The following SEMA3A variants were observed in gnomAD, a reference collection of about 807,000 sequenced individuals.
The protein encoded by SEMA3A is semaphorin-3A.
SEMA3A carries 29 observed loss-of-function variants against 97.9 expected under a neutral mutation model. That is an observed-to-expected ratio of 0.30 (90% confidence interval 0.22 to 0.40). The LOEUF (loss-of-function observed/expected upper bound fraction) is 0.40. Among genes scored for constraint, SEMA3A ranks in the 10% least tolerant of loss-of-function variants. SEMA3A has a pLI of 1.00. For synonymous variants in SEMA3A, 321 were observed against 323.7 expected, an observed-to-expected ratio of 0.99 and a Z score of 0.09; for missense variants, 763 against 951.3, an observed-to-expected ratio of 0.80 and a Z score of 2.60.
At chr7:84,476,372 A>G (rs1584351875) in intron 1 of SEMA3A, among the ~76,000 whole-genome samples, 1 of 151,744 alleles carries the variant, frequency 6.6e-6, no homozygotes, top group East Asian at 1.9e-4. Flanking sequence ...AAAAAAAAAA[A>G]GAAAAGAAAA....
intron 3 of SEMA3A, among the ~76,000 whole-genome samples, chr7:84,258,122 G>T (rs910252193): frequency 6.6e-6 from 1 of 152,090 alleles, no homozygotes; most frequent in East Asian, 1.9e-4. Context: ...CTCACACAGG[G>T]TCAGCACATT....
chr7:84,108,054 C>G (rs1485579085), intron 4 of SEMA3A, among the ~76,000 whole-genome samples: 2 of 152,080 alleles, frequency 1.3e-5, no homozygotes, highest in Non-Finnish European at 2.9e-5. Flanking sequence ...TATAAAAATA[C>G]AAAATGCAAG....
intron 16 of SEMA3A, among the ~76,000 whole-genome samples, chr7:83,962,886 T>C (rs1788526489): frequency 6.6e-6 from 1 of 152,198 alleles, no homozygotes; most frequent in Non-Finnish European, 1.5e-5. Context: ...GAGGTTTTTT[T>C]TTATTTGTGC....
intron 14 of SEMA3A, among the ~76,000 whole-genome samples, chr7:83,978,290 T>C (rs1324424139): frequency 6.6e-6 from 1 of 152,188 alleles, no homozygotes; most frequent in Admixed American, 6.5e-5. Flanking sequence ...AGTTTGCTTA[T>C]AAAAATCAAA....
At chr7:84,187,740 ATTTTG>A (rs981198298) in intron 1 of SEMA3A, among the ~76,000 whole-genome samples, 6 of 152,086 alleles carry the variant, frequency 3.9e-5, no homozygotes, top group African/African-American at 9.7e-5. Flanking sequence ...TCCAAAAATA[ATTTTG>A]TTTTATTAAC....
intron 3 of SEMA3A, among the ~76,000 whole-genome samples, chr7:84,260,802 T>C (rs1038827183): frequency 6.6e-6 from 1 of 152,070 alleles, no homozygotes; most frequent in Non-Finnish European, 1.5e-5. Flanking sequence ...TCATGGATGA[T>C]ATGTTGATGG....
intron 1 of SEMA3A, among the ~76,000 whole-genome samples, chr7:84,409,120 T>C (rs898034311): frequency 6.6e-6 from 1 of 150,462 alleles, no homozygotes; most frequent in Non-Finnish European, 1.5e-5. Context: ...TAGGTTCTAT[T>C]GTTTGACAGC....
intron 1 of SEMA3A, among the ~76,000 whole-genome samples, chr7:84,476,659 T>C (rs1003334052): frequency 3.3e-5 from 5 of 152,184 alleles, no homozygotes; most frequent in Non-Finnish European, 7.3e-5. Context: ...AATCTTGTAT[T>C]CCTTAGATGT....
intron 1 of SEMA3A, among the ~76,000 whole-genome samples, chr7:84,453,936 T>C (rs928334142): frequency 3.3e-5 from 5 of 152,324 alleles, no homozygotes; most frequent in Non-Finnish European, 2.9e-5. Context: ...TGATATATTA[T>C]TGCAAGATAA....
At chr7:84,143,920 A>ATCTCTCTCTC (rs142920312) in intron 1 of SEMA3A, among the ~76,000 whole-genome samples, 5 of 128,760 alleles carry the variant, frequency 3.9e-5, no homozygotes, top group African/African-American at 1.5e-4. Flanking sequence ...TACTGTCCTA[A>ATCTCTCTCTC]TCTCTCTCTC....
chr7:84,217,134 T>C (rs1289103423), intron 3 of SEMA3A, among the ~76,000 whole-genome samples: 2 of 152,210 alleles, frequency 1.3e-5, no homozygotes, highest in African/African-American at 2.4e-5. Flanking sequence ...TCAGTGTGTA[T>C]TTTATATCCT....
intron 3 of SEMA3A, among the ~76,000 whole-genome samples, chr7:84,217,489 T>C (rs1798777043): frequency 6.6e-6 from 1 of 152,176 alleles, no homozygotes; most frequent in Non-Finnish European, 1.5e-5. Flanking sequence ...CTAAACATTA[T>C]GTTATAATAT....
intron 3 of SEMA3A, among the ~76,000 whole-genome samples, chr7:84,299,368 CTATA>C (rs375424685): frequency 1.4e-4 from 18 of 133,082 alleles, no homozygotes; most frequent in South Asian, 2.5e-4. Flanking sequence ...CTCTCTCCCT[CTATA>C]TATATATATA....
upstream of SEMA3A, among the ~76,000 whole-genome samples, chr7:84,197,730 C>CTTTT (rs139403623): frequency 1.2e-4 from 8 of 69,348 alleles, no homozygotes; most frequent in East Asian, 5.2e-4. Flanking sequence ...AAAGATCACT[C>CTTTT]TTTTTTTTTT....
At chr7:84,389,918 G>C (rs1803497308) in intron 1 of SEMA3A, among the ~76,000 whole-genome samples, 1 of 152,000 alleles carries the variant, frequency 6.6e-6, no homozygotes, top group Non-Finnish European at 1.5e-5. Flanking sequence ...ACAGATAAGT[G>C]ATAGCCTGCA....
At chr7:84,088,478 G>C (rs1173409352) in intron 4 of SEMA3A, among the ~76,000 whole-genome samples, 1 of 151,860 alleles carries the variant, frequency 6.6e-6, no homozygotes, top group African/African-American at 2.4e-5. Flanking sequence ...AAGTATGCTT[G>C]ACAACTATGC....
chr7:84,258,189 G>A (rs545380831), intron 3 of SEMA3A, among the ~76,000 whole-genome samples: 8 of 152,068 alleles, frequency 5.3e-5, no homozygotes, highest in Non-Finnish European at 1.2e-4. Context: ...TTGACTTAGG[G>A]TGTTTCTTTT....
rs552415084 is a variant in SEMA3A at position 83,980,814 on chromosome 7, CAAAT to C, written c.1652+503_1652+506del. ...TAATAACACTTAAATTTTCTTGAAACAAATAGACGTATTTTGTGATGTTAATCAA... is the reference window on the plus strand; with the variant it reads ...TAATAACACTTAAATTTTCTTGAAACAGACGTATTTTGTGATGTTAATCAA... On this transcript the variant is annotated intron_variant, in intron 14 of 16. Transcript: ENST00000265362. Among the ~76,000 whole-genome samples, 10 of 151,436 alleles carry C rather than the reference CAAAT, an allele frequency of 6.6e-5. No homozygotes were observed. The South Asian group carries it at 1.5e-3, about 22-fold the overall frequency.
chr7:84,357,685 G>A (rs2116049890), intron 2 of SEMA3A, among the ~76,000 whole-genome samples: 1 of 151,892 alleles, frequency 6.6e-6, no homozygotes, highest in East Asian at 1.9e-4. Context: ...AGTATTTCTA[G>A]TTCTAGATCC....
Sources: allele counts gnomAD v4.1 joint callset (sites outside exome capture counted in the v4.1 genomes callset), GRCh38; gene constraint gnomAD v4.1.1; transcripts MANE v1.5; gene names NCBI Gene and HGNC (gene_info 2026-07-23, HGNC 2026-07-21).